The following STK17B variants were observed in gnomAD, a reference collection of about 807,000 sequenced individuals.
The protein encoded by STK17B is serine/threonine kinase 17b.
STK17B carries 21 observed loss-of-function variants against 42.0 expected under a neutral mutation model. That is an observed-to-expected ratio of 0.50 (90% CI 0.35 to 0.72). The LOEUF is 0.72. Ranked by LOEUF, STK17B falls within the 30% of genes least tolerant of loss-of-function variation. STK17B has a pLI of 0.00. For synonymous variants in STK17B, 143 were observed against 148.4 expected, an observed-to-expected ratio of 0.96 and a Z score of 0.26; for missense variants, 349 against 446.0, an observed-to-expected ratio of 0.78 and a Z score of 1.96.
At chr2:196,148,106 A>G (rs1699609057) in intron 3 of STK17B, among the ~76,000 whole-genome samples, 1 of 152,222 alleles carries the variant, frequency 6.6e-6, no homozygotes, top group Non-Finnish European at 1.5e-5. Flanking sequence ...TTTGCTATTA[A>G]ATTTATAGTA....
intron 7 of STK17B, 137 bp from the exon 8 acceptor site, chr2:196,137,866 A>G: frequency 1.1e-6 from 1 of 943,442 alleles, no homozygotes; most frequent in African/African-American, 1.7e-5. Context: ...CAAACAGTAC[A>G]GAAGAGAATA....
rs186110419 is a variant in STK17B, at chr2:196,138,952, T to C, written c.836+668A>G. Among the ~76,000 whole-genome samples the C allele has an allele frequency of 4.0e-3, 608 of 152,214 alleles. 5 individuals are homozygous for C. Among genetic ancestry groups the C allele is most frequent in the Admixed American group, 5.2e-3 (79 of 15,288 alleles). ...CAATCAGTAAATGATACTTGTTATG[T>C]ATGTAAAATTATTTTATTTTATTTA... On this transcript the variant is annotated intron_variant, in intron 7 of 7. Coordinates refer to ENST00000263955, the MANE Select transcript of STK17B (RefSeq NM_004226.4).
In STK17B at chr2:196,137,712, T is replaced by C; in HGVS notation, c.854A>G (p.Glu285Gly). ...TAGCCAAGAATGAGAAAGGCATATC[T>C]CTGCTGTTGGTCTTTTCCTTTGAAA... ...VKNPEKRPTA[E>G]ICLSHSWLQQ... Residue 285 changes from glutamate (E) to glycine (G), a missense_variant, in exon 8 of 8, where the codon GAG (glutamate) becomes GGG (glycine). By Grantham distance (98) the Glu-to-Gly change is moderately conservative. Coordinates refer to ENST00000263955, the MANE Select transcript of STK17B (RefSeq NM_004226.4). 2 of 1,610,714 alleles carry C rather than the reference T, an allele frequency of 1.2e-6. No homozygotes were observed. The highest frequency in any genetic ancestry group is 1.7e-6 in the Non-Finnish European group (2 of 1,178,166).
chr2:196,139,590 G>C, intron 7 of STK17B, 30 bp downstream of exon 7: 1 of 1,296,240 alleles, frequency 7.7e-7, no homozygotes, highest in Non-Finnish European at 1.0e-6. Flanking sequence ...AATTAAATTT[G>C]TAATAGTATT....
At chr2:196,166,757 A>C (rs1699878624) in intron 1 of STK17B, among the ~76,000 whole-genome samples, 1 of 152,256 alleles carries the variant, frequency 6.6e-6, no homozygotes, top group Non-Finnish European at 1.5e-5. Flanking sequence ...TTGAATGCAG[A>C]AAGCAAGTGT....
upstream of STK17B, among the ~76,000 whole-genome samples, chr2:196,172,328 A>G (rs1405166032): frequency 6.6e-6 from 1 of 152,244 alleles, no homozygotes; most frequent in Non-Finnish European, 1.5e-5. Flanking sequence ...GGAAATTTTC[A>G]AAGTTCTGTG....
chr2:196,154,878 T>C (rs1012052206), intron 3 of STK17B: 1 of 152,224 alleles, frequency 6.6e-6, no homozygotes, highest in African/African-American at 2.4e-5. Context: ...TGTAATACAT[T>C]AATCTACTTA....
At position 196,155,612 on chromosome 2, in the gene STK17B, A is replaced by G. The variant is rs564795595; in HGVS notation, c.335+827T>C. On this transcript the variant is annotated intron_variant, in intron 3 of 7. Coordinates refer to ENST00000263955, the MANE Select transcript of STK17B (RefSeq NM_004226.4). ...ATCTCTTCTTGGTTTATCATAAAAT[A>G]TATTTACTTCATTAAAAACTATTGG... Among the ~76,000 whole-genome samples the G allele has an allele frequency of 1.7e-3, 256 of 152,340 alleles. 1 individual carries two copies. The highest frequency in any genetic ancestry group is 5.7e-3 in the African/African-American group (239 of 41,580).
intron 3 of STK17B, among the ~76,000 whole-genome samples, chr2:196,148,599 G>T (rs1477249382): frequency 6.6e-6 from 1 of 151,772 alleles, no homozygotes; most frequent in African/African-American, 2.4e-5. Context: ...CAAATAACTT[G>T]AAATTATTAG....
At chr2:196,154,882 C>T (rs372823603) in intron 3 of STK17B, 1 of 152,284 alleles carries the variant, frequency 6.6e-6, no homozygotes, top group South Asian at 2.1e-4. Flanking sequence ...ATACATTAAT[C>T]TACTTAAACA....
chr2:196,170,407 A>T (rs1046731860), intron 1 of STK17B, among the ~76,000 whole-genome samples: 6 of 152,252 alleles, frequency 3.9e-5, no homozygotes, highest in African/African-American at 1.4e-4. Flanking sequence ...TGTGATACAC[A>T]GTCCTCATGT....
intron 1 of STK17B, among the ~76,000 whole-genome samples, chr2:196,169,846 A>G (rs2105718223): frequency 6.6e-6 from 1 of 152,302 alleles, no homozygotes; most frequent in African/African-American, 2.4e-5. Context: ...AAGTCTTGCC[A>G]TGTAAGCAAA....
chr2:196,148,167 C>CTAT (rs1464957733), intron 3 of STK17B, among the ~76,000 whole-genome samples: 3 of 152,238 alleles, frequency 2.0e-5, no homozygotes, highest in Non-Finnish European at 4.4e-5. Context: ...TTCACATTTT[C>CTAT]TTAATCTAAA....
chr2:196,163,320 G>A lies in STK17B; in HGVS notation c.64C>T (p.Pro22Ser). 6.2e-7 allele frequency: 1 copy of A among 1,605,892 alleles called. No homozygotes were observed. The highest frequency in any genetic ancestry group is 8.5e-7 in the Non-Finnish European group (1 of 1,177,870). Reference protein sequence around the residue: ...SGLLTTTPQIPIKMENFNNFY... With the variant: ...SGLLTTTPQISIKMENFNNFY... ...TTATTAAAGTTTTCCATTTTTATTG[G>A]AATTTGAGGAGTTGTAGTTAGTAGG... The change falls in exon 2 of 8, where the codon CCA (proline) becomes TCA (serine). Residue 22 changes from proline (P) to serine (S), a missense_variant. Pro to Ser is a moderately conservative substitution (Grantham distance 74). Around this residue, in one of 3 missense-constraint regions of STK17B, gnomAD observed 256 missense variants for 347.7 expected, o/e 0.74. Coordinates refer to ENST00000263955, the MANE Select transcript of STK17B (RefSeq NM_004226.4).
chr2:196,171,653 G>C (rs1699946663), upstream of STK17B: 1 of 151,830 alleles, frequency 6.6e-6, no homozygotes, highest in African/African-American at 2.4e-5. Flanking sequence ...CAATCGGAAC[G>C]GGTGCGGAGG....
rs1210883541 is a variant in STK17B, at chr2:196,143,470, C to T, written c.607+90G>A. The stretch of plus-strand genomic sequence containing the variant: ...ACCAATCAAATCCTTTTAACTGAAT[C>T]GAATTACATGCTCTAAAATATAGTT... On this transcript the variant is annotated intron_variant, in intron 5 of 7. Coordinates refer to ENST00000263955, the MANE Select transcript of STK17B (RefSeq NM_004226.4). 6.4e-6 allele frequency: 8 copies of T among 1,251,092 alleles called. No individual in the cohort carries two copies. In the East Asian group the frequency reaches 7.7e-5, roughly 12 times the overall value. 77.5% of individuals were successfully genotyped at this position (1,251,092 alleles called of 1,614,324 possible).
rs1266791246 is a variant in STK17B, at chr2:196,163,275, T to C, written c.109A>G (p.Lys37Glu). ...TGGTTTTCTTACCTCCCTAGCTCTTTAGATGTAAGTATATAGAAATTATTA... is the reference window on the plus strand; with the variant it reads ...TGGTTTTCTTACCTCCCTAGCTCTTCAGATGTAAGTATATAGAAATTATTA... ...NFNNFYILTS[K>E]ELGRGKFAVV... The change falls in exon 2 of 8, where the codon AAA (lysine) becomes GAA (glutamate). Residue 37 changes from lysine (K) to glutamate (E), a missense_variant. Coordinates refer to ENST00000263955, the MANE Select transcript of STK17B (RefSeq NM_004226.4). 1 of 1,608,846 alleles carries C rather than the reference T, an allele frequency of 6.2e-7. No individual in the cohort carries two copies. Among genetic ancestry groups the C allele is most frequent in the African/African-American group, 1.3e-5 (1 of 74,710 alleles).
At chr2:196,151,182 GTAAGTTCCCCTTTTGATT>G (rs1699660515) in intron 3 of STK17B, 1 of 152,098 alleles carries the variant, frequency 6.6e-6, no homozygotes, top group Admixed American at 6.5e-5. Context: ...TCTGATGAAT[GTAAGTTCCCCTTTTGATT>G]TTCACTATTT....
At chr2:196,158,262 CG>C (rs1489270678) in intron 2 of STK17B, among the ~76,000 whole-genome samples, 2 of 152,076 alleles carry the variant, frequency 1.3e-5, no homozygotes, top group African/African-American at 4.8e-5. Flanking sequence ...ACTAGCTATT[CG>C]CAAAGGCCAA....
Sources: gnomAD v4.1 joint callset for allele counts (sites outside exome capture counted in the v4.1 genomes callset) on GRCh38, gnomAD v4.1.1 for gene constraint, gnomAD v4.1.1 regional missense constraint, MANE v1.5 for transcripts, NCBI Gene and HGNC (gene_info 2026-07-23, HGNC 2026-07-21) for gene names.